CSNK1G1: variants seen among roughly 807,000 people sequenced by gnomAD.
CSNK1G1 encodes casein kinase 1 gamma 1, also known as casein kinase I isoform gamma-1.
Under a neutral mutation model 59.6 loss-of-function variants are expected in CSNK1G1, and 22 were observed. The observed-to-expected ratio is 0.37, with a 90% confidence interval of 0.26 to 0.53. The LOEUF (loss-of-function observed/expected upper bound fraction) is 0.53. CSNK1G1 is among the 20% of genes least tolerant of loss of function. The pLI is 0.89. For synonymous variants in CSNK1G1, 179 were observed against 177.1 expected, an observed-to-expected ratio of 1.01 and a Z score of -0.08; for missense variants, 384 against 519.5, an observed-to-expected ratio of 0.74 and a Z score of 2.54.
At chr15:64,303,583 C>CT (rs1462528557) in intron 1 of CSNK1G1, among the ~76,000 whole-genome samples, 1 of 151,872 alleles carries the variant, frequency 6.6e-6, no homozygotes, top group African/African-American at 2.4e-5. Flanking sequence ...GAAACCCCAT[C>CT]TCTACTAAAA....
chr15:64,343,750 G>C (rs527741520), intron 1 of CSNK1G1, among the ~76,000 whole-genome samples: 26 of 150,548 alleles, frequency 1.7e-4, no homozygotes, highest in Non-Finnish European at 3.4e-4. Context: ...CACCATACTA[G>C]AGCTGCGGTA....
At chr15:64,193,885 A>G (rs907790886) in intron 10 of CSNK1G1, 1 of 152,240 alleles carries the variant, frequency 6.6e-6, no homozygotes, top group Non-Finnish European at 1.5e-5. Flanking sequence ...GTTTCCTCCT[A>G]CAAGGAGCTG....
At chr15:64,258,392 A>T (rs1892509803) in intron 3 of CSNK1G1, among the ~76,000 whole-genome samples, 1 of 151,522 alleles carries the variant, frequency 6.6e-6, no homozygotes, top group South Asian at 2.1e-4. Context: ...CCAAAAAAAA[A>T]AAAATAAAGA....
chr15:64,276,919 C>T (rs950338530), intron 2 of CSNK1G1, among the ~76,000 whole-genome samples: 8 of 149,568 alleles, frequency 5.3e-5, no homozygotes, highest in African/African-American at 2.0e-4. Context: ...TGCACTCCAG[C>T]CTGGGTGACA....
chr15:64,206,462 C>G (rs1209626575), intron 7 of CSNK1G1, among the ~76,000 whole-genome samples: 5 of 151,774 alleles, frequency 3.3e-5, no homozygotes, highest in Admixed American at 3.3e-4. Context: ...AAAAAATTAG[C>G]TGGGCGTGGT....
rs1390499692 is a variant in CSNK1G1 at position 64,210,695 on chromosome 15, A to G, written c.680-3101T>C. ...TAATTTCAACCATTAAATAATATAA[A>G]TTGGGCTTCTCAGTAAAAGCTTAAT... is the stretch of plus-strand genomic sequence containing the variant. On this transcript the variant is annotated intron_variant, in intron 6 of 11. Transcript: ENST00000303052. This position sits in a 1 kb window ranked among gnomAD's most constrained non-coding sequence, Gnocchi z 4.2. Among the ~76,000 whole-genome samples the G allele has an allele frequency of 1.3e-5, 2 of 152,182 alleles. No individual in the cohort carries two copies.
chr15:64,352,447 C>CTTTTTTTTTTTTTTTTTTTTTTTTTTTTT (rs1165768581), intron 1 of CSNK1G1, among the ~76,000 whole-genome samples: 12 of 89,430 alleles, frequency 1.3e-4, no homozygotes, highest in African/African-American at 4.0e-4. Flanking sequence ...TTGAATTCTT[C>CTTTTTTTTTTTTTTTTTTTTTTTTTTTTT]TTTTTTTTTT....
intron 4 of CSNK1G1, among the ~76,000 whole-genome samples, chr15:64,221,647 G>C (rs745955526): frequency 1.3e-5 from 2 of 151,556 alleles, no homozygotes; most frequent in Non-Finnish European, 2.9e-5. Context: ...ATTTGCTTCT[G>C]CTTTCAACTC....
intron 1 of CSNK1G1, among the ~76,000 whole-genome samples, chr15:64,307,001 G>A (rs1256088137): frequency 6.7e-6 from 1 of 150,374 alleles, no homozygotes; most frequent in Non-Finnish European, 1.5e-5. Context: ...GGGTGAACAG[G>A]TGGAGCCCAG....
At chr15:64,348,110 T>C (rs905489505) in intron 1 of CSNK1G1, among the ~76,000 whole-genome samples, 6 of 152,160 alleles carry the variant, frequency 3.9e-5, no homozygotes, top group Admixed American at 6.6e-5. Context: ...TATGACATTT[T>C]GGAAAAGGCA....
rs2081626666 is a variant in CSNK1G1, at chr15:64,168,358, T to C, written c.*3573A>G. On this transcript the variant is annotated 3_prime_UTR_variant, in exon 12 of 12. Coordinates refer to ENST00000303052, the MANE Select transcript of CSNK1G1 (RefSeq NM_022048.5). The stretch of plus-strand genomic sequence containing the variant: ...TGGGGGCAGTCTGGAGTGAGATCTC[T>C]GGAAAGCACCAAGGTGCGTAGAGCA... 6.6e-6 allele frequency: 1 copy of C among 152,514 alleles called. No individual in the cohort carries two copies. The highest frequency in any genetic ancestry group is 1.5e-5 in the Non-Finnish European group (1 of 68,052). The allele number at this position is 152,514 out of a possible 1,614,324, so 9.4% of individuals were successfully genotyped here. A position where few individuals can be genotyped will look rare whatever the true frequency, so the allele number is the denominator to read the frequency against.
intron 4 of CSNK1G1, among the ~76,000 whole-genome samples, chr15:64,233,647 C>T (rs940219383): frequency 1.5e-4 from 23 of 152,156 alleles, no homozygotes; most frequent in African/African-American, 5.5e-4. Flanking sequence ...GGACACACAA[C>T]TGGAAAATTC....
At chr15:64,180,753 T>C (rs185444563) in intron 10 of CSNK1G1, among the ~76,000 whole-genome samples, 2 of 152,348 alleles carry the variant, frequency 1.3e-5, no homozygotes, top group East Asian at 3.9e-4. Flanking sequence ...TTTTTACAGA[T>C]GGAAACACTA....
chr15:64,316,176 G>A (rs1163462442), intron 1 of CSNK1G1, among the ~76,000 whole-genome samples: 2 of 150,912 alleles, frequency 1.3e-5, no homozygotes, highest in Non-Finnish European at 2.9e-5. Flanking sequence ...AAAAACATAA[G>A]CCACTGGCAC....
chr15:64,232,785 T>C (rs1266117082), intron 4 of CSNK1G1, among the ~76,000 whole-genome samples: 1 of 152,032 alleles, frequency 6.6e-6, no homozygotes, highest in Admixed American at 6.6e-5. Context: ...GCCAGAGAAA[T>C]GGCTGTGAGA....
At chr15:64,212,135 C>T (rs1235377218) in intron 6 of CSNK1G1, among the ~76,000 whole-genome samples, 2 of 152,164 alleles carry the variant, frequency 1.3e-5, no homozygotes, top group Non-Finnish European at 2.9e-5. Flanking sequence ...CCTCATTTTA[C>T]AGAGGAGTTT....
intron 1 of CSNK1G1, among the ~76,000 whole-genome samples, chr15:64,341,524 G>C (rs991531845): frequency 6.6e-6 from 1 of 152,212 alleles, no homozygotes; most frequent in African/African-American, 2.4e-5. Context: ...TCAGGCTGGA[G>C]TGTAGTGGCA....
At chr15:64,274,693 T>C (rs1893509292) in intron 2 of CSNK1G1, among the ~76,000 whole-genome samples, 1 of 152,210 alleles carries the variant, frequency 6.6e-6, no homozygotes, top group Non-Finnish European at 1.5e-5. Flanking sequence ...TAAAACCCTC[T>C]GCATGAAGAC....
At chr15:64,202,883 T>C (rs948846737) in intron 10 of CSNK1G1, among the ~76,000 whole-genome samples, 199 bp downstream of exon 10, 6 of 152,204 alleles carry the variant, frequency 3.9e-5, no homozygotes, top group Admixed American at 2.0e-4. Flanking sequence ...ATGCTTCATA[T>C]AGGGCACCTG....
Sources: allele counts gnomAD v4.1 joint callset (sites outside exome capture counted in the v4.1 genomes callset), GRCh38; gene constraint gnomAD v4.1.1; non-coding constraint Gnocchi (gnomAD v3.1); transcripts MANE v1.5; gene names NCBI Gene and HGNC (gene_info 2026-07-23, HGNC 2026-07-21).